PPP1R13B: variants seen among roughly 807,000 people sequenced by gnomAD.
The protein encoded by PPP1R13B is protein phosphatase 1 regulatory subunit 13B, also known as apoptosis-stimulating of p53 protein 1.
PPP1R13B carries 44 observed loss-of-function variants against 119.8 expected under a neutral mutation model. The ratio of observed to expected loss-of-function variants is 0.37; its 90% CI spans 0.29 to 0.47. PPP1R13B has a LOEUF of 0.47. PPP1R13B is among the 20% of genes least tolerant of loss of function. The pLI is 0.99. For missense variants in PPP1R13B, 1,227 were observed against 1,413.5 expected, an observed-to-expected ratio of 0.87 and a Z score of 2.12; for synonymous variants, 542 against 561.5, an observed-to-expected ratio of 0.97 and a Z score of 0.49.
intron 4 of PPP1R13B, among the ~76,000 whole-genome samples, chr14:103,761,774 A>G (rs2084812333): frequency 6.6e-6 from 1 of 152,018 alleles, no homozygotes; most frequent in South Asian, 2.1e-4. Flanking sequence ...AAAAAAAAAA[A>G]AGAAAAAGAA....
intron 1 of PPP1R13B, among the ~76,000 whole-genome samples, chr14:103,797,937 A>G (rs949057575): frequency 2.0e-5 from 3 of 152,142 alleles, no homozygotes; most frequent in African/African-American, 7.2e-5. Context: ...CCATGTGGAA[A>G]AAATGGTTTC....
At chr14:103,812,454 C>G (rs544931267) in intron 1 of PPP1R13B, among the ~76,000 whole-genome samples, 2 of 151,786 alleles carry the variant, frequency 1.3e-5, no homozygotes, top group Admixed American at 6.6e-5. Context: ...CAGTTTCACT[C>G]TGTCGCCCAG....
intron 1 of PPP1R13B, among the ~76,000 whole-genome samples, chr14:103,825,384 G>T (rs1282194229): frequency 1.3e-5 from 2 of 152,180 alleles, no homozygotes; most frequent in African/African-American, 4.8e-5. Flanking sequence ...ACCTTAAGAG[G>T]AAGGAATGTC....
At chr14:103,808,350 GCAGGGGTGT>G (rs1329982898) in intron 1 of PPP1R13B, among the ~76,000 whole-genome samples, 1 of 152,114 alleles carries the variant, frequency 6.6e-6, no homozygotes. Flanking sequence ...TTGCTCTAAA[GCAGGGGTGT>G]CCCAACTTTG....
intron 1 of PPP1R13B, among the ~76,000 whole-genome samples, chr14:103,833,578 G>C (rs555422686): frequency 1.3e-5 from 2 of 152,244 alleles, no homozygotes; most frequent in East Asian, 3.9e-4. Flanking sequence ...GGGAGGCGGA[G>C]GTTACAGTGA....
intron 9 of PPP1R13B, among the ~76,000 whole-genome samples, chr14:103,743,338 C>T (rs1205433178): frequency 2.0e-5 from 3 of 152,172 alleles, no homozygotes; most frequent in Non-Finnish European, 4.4e-5. Flanking sequence ...ACAGGAGGCC[C>T]GTGCAGGTTC....
chr14:103,829,245 G>A (rs1035694132), intron 1 of PPP1R13B, among the ~76,000 whole-genome samples: 3 of 151,970 alleles, frequency 2.0e-5, no homozygotes, highest in African/African-American at 4.8e-5. Context: ...ATGTTGCAGC[G>A]AACAAGGAAA....
intron 1 of PPP1R13B, among the ~76,000 whole-genome samples, chr14:103,817,144 G>T (rs1299924703): frequency 6.6e-6 from 1 of 152,156 alleles, no homozygotes; most frequent in Non-Finnish European, 1.5e-5. Context: ...TTTACAAAGG[G>T]AAAATACTTA....
At chr14:103,817,108 C>T (rs4906378) in intron 1 of PPP1R13B, among the ~76,000 whole-genome samples, 43,983 of 151,826 alleles carry the variant, frequency 0.29, 6,813 homozygotes, top group Non-Finnish European at 0.34. Flanking sequence ...AACAAAATTG[C>T]AAGTGCCTGG....
At chr14:103,811,164 T>C (rs1037848418) in intron 1 of PPP1R13B, among the ~76,000 whole-genome samples, 10 of 151,248 alleles carry the variant, frequency 6.6e-5, no homozygotes, top group African/African-American at 2.4e-4. Flanking sequence ...TTTACTAATG[T>C]TGATCACGTG....
intron 1 of PPP1R13B, among the ~76,000 whole-genome samples, chr14:103,843,511 C>G (rs2152089925): frequency 6.6e-6 from 1 of 152,150 alleles, no homozygotes; most frequent in South Asian, 2.1e-4. Context: ...AGGGACTAAA[C>G]AAAAAGTATT....
chr14:103,784,724 T>C (rs879295767), intron 3 of PPP1R13B, 71 bp downstream of exon 3: 183 of 1,444,134 alleles, frequency 1.3e-4, no homozygotes, highest in Middle Eastern at 1.9e-4. Flanking sequence ...TAATTTAATA[T>C]TTATTCCTAT....
intron 1 of PPP1R13B, among the ~76,000 whole-genome samples, chr14:103,813,580 G>A (rs2086209047): frequency 6.6e-6 from 1 of 152,182 alleles, no homozygotes; most frequent in Non-Finnish European, 1.5e-5. Context: ...AGCCTGTGAA[G>A]AGGTGCCTTC....
chr14:103,761,432 A>G (rs1014283687), intron 4 of PPP1R13B, among the ~76,000 whole-genome samples: 2 of 152,160 alleles, frequency 1.3e-5, no homozygotes, highest in Non-Finnish European at 2.9e-5. Flanking sequence ...TTGAAAAACT[A>G]TGCCATTTCT....
At position 103,746,388 on chromosome 14, in the gene PPP1R13B, C is replaced by T. The variant is rs865888116; in HGVS notation, c.1135G>A (p.Gly379Arg). Reference protein sequence around the residue: ...SLSIASNAAHGRSKSANDGNW... With the variant: ...SLSIASNAAHRRSKSANDGNW... ...GACCACTCACCGGATTTGGATCTTC[C>T]ATGAGCAGCATTTGAGGCAATACTG... Residue 379 changes from glycine (G) to arginine (R), a missense_variant, in exon 9 of 17, where the codon GGA becomes AGA. Physicochemically the swap from Gly to Arg is moderately radical, Grantham distance 125. Coordinates refer to ENST00000202556, the MANE Select transcript of PPP1R13B (RefSeq NM_015316.3). 6.2e-7 allele frequency: 1 copy of T among 1,606,962 alleles called. No individual in the cohort carries two copies. Among genetic ancestry groups the T allele is most frequent in the Admixed American group, 1.7e-5 (1 of 59,440 alleles).
intron 2 of PPP1R13B, among the ~76,000 whole-genome samples, chr14:103,785,485 T>G (rs2085439290): frequency 6.6e-6 from 1 of 150,418 alleles, no homozygotes; most frequent in Non-Finnish European, 1.5e-5. Context: ...CCTAAAGTGC[T>G]GGGATTATAG....
intron 4 of PPP1R13B, among the ~76,000 whole-genome samples, chr14:103,773,297 A>G (rs996350216): frequency 1.3e-5 from 2 of 152,312 alleles, no homozygotes; most frequent in East Asian, 3.9e-4. Flanking sequence ...GAGTTCCAAA[A>G]GAAGAAAACA....
chr14:103,831,992 G>A (rs2086674183), intron 1 of PPP1R13B, among the ~76,000 whole-genome samples: 1 of 151,978 alleles, frequency 6.6e-6, no homozygotes, highest in Non-Finnish European at 1.5e-5. Context: ...TGTAGTCCCA[G>A]CTACTCAGGA....
At chr14:103,779,301 T>G (rs965190081) in intron 3 of PPP1R13B, among the ~76,000 whole-genome samples, 1 of 152,016 alleles carries the variant, frequency 6.6e-6, no homozygotes, top group Non-Finnish European at 1.5e-5. Context: ...AGCAAGACCC[T>G]GTTTAAAAAA....
Sources: gnomAD v4.1 joint callset for allele counts (sites outside exome capture counted in the v4.1 genomes callset) on GRCh38, gnomAD v4.1.1 for gene constraint, MANE v1.5 for transcripts, NCBI Gene and HGNC (gene_info 2026-07-23, HGNC 2026-07-21) for gene names.